Variants in TNIK observed in about 807,000 individuals in gnomAD.
TNIK encodes the protein TRAF2 and NCK interacting kinase, also known as TRAF2 and NCK-interacting protein kinase.
In TNIK, 49 loss-of-function variants were observed where a neutral mutation model predicts 191.3. The ratio of observed to expected loss-of-function variants is 0.26; its 90% CI spans 0.20 to 0.32. TNIK has a LOEUF of 0.32. Among genes scored for constraint, TNIK ranks in the 10% least tolerant of loss-of-function variants. TNIK has a pLI of 1.00. For missense variants in TNIK, 1,155 were observed against 1,702.3 expected (o/e 0.68, Z 5.66); for synonymous variants, 594 against 600.9 (o/e 0.99, Z 0.17).
At chr3:171,135,619 T>C (rs572990338) in intron 15 of TNIK, among the ~76,000 whole-genome samples, 1 of 152,278 alleles carries the variant, frequency 6.6e-6, no homozygotes, top group African/African-American at 2.4e-5. Context: ...CCAAAGAATG[T>C]TCCCATATAT....
intron 1 of TNIK, among the ~76,000 whole-genome samples, chr3:171,420,857 T>C (rs1349243858): frequency 6.6e-6 from 1 of 152,174 alleles, no homozygotes; most frequent in African/African-American, 2.4e-5. Context: ...ATTGTGTGGA[T>C]ACACTAGACA....
intron 1 of TNIK, among the ~76,000 whole-genome samples, chr3:171,421,499 A>G (rs540029111): frequency 1.5e-4 from 23 of 152,306 alleles, no homozygotes; most frequent in Admixed American, 1.5e-3. Context: ...TTCTGAAGTC[A>G]TGGTACCACC....
At chr3:171,408,579 T>C (rs969603321) in intron 1 of TNIK, among the ~76,000 whole-genome samples, 2 of 152,204 alleles carry the variant, frequency 1.3e-5, no homozygotes, top group African/African-American at 4.8e-5. Context: ...ATTGACTGCC[T>C]CGGCCATGTC....
Position 171,092,239 on chromosome 3 carries a change from C to T in TNIK, c.2721+1600G>A, listed in dbSNP as rs143231582. Among the ~76,000 whole-genome samples, 313 of 152,220 alleles carry T rather than the reference C, an allele frequency of 2.1e-3. 1 individual carries two copies. Among genetic ancestry groups the T allele is most frequent in the African/African-American group, 7.2e-3 (300 of 41,538 alleles). ...CTGGGATTACAGGCACGAGCCACCGCGCCCGGCTGCAAATGCTGTTTTCAA... is the reference window on the plus strand; with the variant it reads ...CTGGGATTACAGGCACGAGCCACCGTGCCCGGCTGCAAATGCTGTTTTCAA... On this transcript the variant is annotated intron_variant, in intron 23 of 32. Transcript: ENST00000436636.
intron 2 of TNIK, among the ~76,000 whole-genome samples, chr3:171,288,302 AAAACTT>A: frequency 6.6e-6 from 1 of 151,248 alleles, no homozygotes; most frequent in South Asian, 2.1e-4. Context: ...CATGTACCCT[AAAACTT>A]AAAGTATAAT....
chr3:171,165,430 A>C (rs1179950651), intron 10 of TNIK, among the ~76,000 whole-genome samples: 1 of 151,610 alleles, frequency 6.6e-6, no homozygotes, highest in Non-Finnish European at 1.5e-5. Flanking sequence ...AAAAAAAAAA[A>C]AAAAAAGGAA....
chr3:171,227,202 C>A (rs1188554175), intron 3 of TNIK, among the ~76,000 whole-genome samples: 5 of 152,068 alleles, frequency 3.3e-5, no homozygotes, highest in Non-Finnish European at 7.4e-5. Context: ...TTTAAGTAGG[C>A]TTAGCAAAAG....
chr3:171,160,894 G>C (rs894868716), intron 11 of TNIK, among the ~76,000 whole-genome samples: 2 of 152,188 alleles, frequency 1.3e-5, no homozygotes, highest in African/African-American at 4.8e-5. Flanking sequence ...GTGAAGTAAC[G>C]AACTGAATAA....
chr3:171,375,710 C>T (rs1219786326), intron 1 of TNIK, among the ~76,000 whole-genome samples: 1 of 152,142 alleles, frequency 6.6e-6, no homozygotes. Flanking sequence ...GGCTAAATCC[C>T]AAAGATTGAA....
At chr3:171,248,483 T>G (rs1032615908) in intron 2 of TNIK, among the ~76,000 whole-genome samples, 1 of 152,198 alleles carries the variant, frequency 6.6e-6, no homozygotes, top group African/African-American at 2.4e-5. Flanking sequence ...CTAAAAATGA[T>G]TAAACTAAGA....
intron 9 of TNIK, among the ~76,000 whole-genome samples, chr3:171,170,444 T>G (rs569507789): frequency 1.1e-4 from 17 of 152,354 alleles, no homozygotes; most frequent in African/African-American, 4.1e-4. Context: ...GGCCCTGCCC[T>G]ATTTCCAAAA....
At chr3:171,127,882 T>A (rs1301960018) in intron 16 of TNIK, among the ~76,000 whole-genome samples, 3 of 152,216 alleles carry the variant, frequency 2.0e-5, no homozygotes, top group African/African-American at 7.2e-5. Context: ...GTGGAAGTCT[T>A]AACACAGGTG....
intron 1 of TNIK, among the ~76,000 whole-genome samples, chr3:171,443,884 C>T (rs1044367408): frequency 3.9e-5 from 6 of 152,136 alleles, no homozygotes. Flanking sequence ...GATATTAACA[C>T]CTCTTCTGAG....
At chr3:171,311,890 C>T (rs1484325347) in intron 2 of TNIK, among the ~76,000 whole-genome samples, 6 of 151,768 alleles carry the variant, frequency 4.0e-5, no homozygotes, top group Non-Finnish European at 7.4e-5. Flanking sequence ...TTTTTATAGC[C>T]GCATTGGCAA....
At chr3:171,275,406 G>C (rs1749607666) in intron 2 of TNIK, among the ~76,000 whole-genome samples, 1 of 151,170 alleles carries the variant, frequency 6.6e-6, no homozygotes, top group African/African-American at 2.5e-5. Context: ...CAATAGAAAA[G>C]AATTTCAAAA....
chr3:171,139,534 TC>T lies in TNIK; in HGVS notation c.1354del (p.Glu452ArgfsTer7). On this transcript the variant is annotated frameshift_variant, in exon 14 of 33. Coordinates refer to ENST00000436636, the MANE Select transcript of TNIK (RefSeq NM_015028.4). LOFTEE classifies it high-confidence loss of function. ...HEQEYIRRQL[E>X]EEQRQLEILQ... Reference sequence around the variant, plus strand: ...GATCTCTAACTGTCTCTGCTCCTCCTCTAACTGTCGCCTGATGTATTCCTGG... The same window carrying T: ...GATCTCTAACTGTCTCTGCTCCTCCTTAACTGTCGCCTGATGTATTCCTGG... 6.2e-7 allele frequency: 1 copy of T among 1,613,760 alleles called. No individual in the cohort carries two copies. Among genetic ancestry groups the T allele is most frequent in the Non-Finnish European group, 8.5e-7 (1 of 1,179,754 alleles).
chr3:171,206,610 G>C (rs1267451462), intron 4 of TNIK, among the ~76,000 whole-genome samples: 1 of 152,016 alleles, frequency 6.6e-6, no homozygotes, highest in Non-Finnish European at 1.5e-5. Context: ...CTTCCAGGGG[G>C]CTTTCACAGA....
At chr3:171,458,974 C>G (rs1003374760) in intron 1 of TNIK, among the ~76,000 whole-genome samples, 2 of 152,188 alleles carry the variant, frequency 1.3e-5, no homozygotes, top group African/African-American at 4.8e-5. Flanking sequence ...CAAGAAAGCT[C>G]TGCCCCCTTC....
intron 3 of TNIK, among the ~76,000 whole-genome samples, chr3:171,213,010 G>A (rs995215234): frequency 7.2e-5 from 11 of 152,144 alleles, no homozygotes; most frequent in Admixed American, 2.0e-4. Context: ...CTAAGGAGAA[G>A]CATGTGGCCG....
Sources: allele counts gnomAD v4.1 joint callset (sites outside exome capture counted in the v4.1 genomes callset), GRCh38; gene constraint gnomAD v4.1.1; transcripts MANE v1.5; gene names NCBI Gene and HGNC (gene_info 2026-07-23, HGNC 2026-07-21).